Variants in ZZEF1 observed in about 807,000 individuals in gnomAD.
The protein encoded by ZZEF1 is zinc finger ZZ-type and EF-hand domain containing 1, also known as zinc finger ZZ-type and EF-hand domain-containing protein 1.
ZZEF1 carries 157 observed loss-of-function variants against 342.8 expected under a neutral mutation model. The observed-to-expected ratio is 0.46, with a 90% CI of 0.40 to 0.52. The LOEUF is 0.52. Ranked by LOEUF, ZZEF1 falls within the 20% of genes least tolerant of loss-of-function variation. The pLI is 0.00. For missense variants in ZZEF1, 3,480 were observed against 3,725.6 expected (o/e 0.93, Z 1.72); for synonymous variants, 1,505 against 1,429.1 (o/e 1.05, Z -1.20).
intron 32 of ZZEF1, among the ~76,000 whole-genome samples, chr17:4,057,507 G>GA (rs2057189997): frequency 1.3e-5 from 2 of 152,018 alleles, no homozygotes; most frequent in South Asian, 2.1e-4. Context: ...AAATCGGAGG[G>GA]AAAAAACCCT....
At chr17:4,125,568 T>C (rs1297913098) in intron 1 of ZZEF1, among the ~76,000 whole-genome samples, 2 of 152,322 alleles carry the variant, frequency 1.3e-5, no homozygotes, top group East Asian at 3.9e-4. Flanking sequence ...GGCAAGATTA[T>C]CCAAAAAGTT....
chr17:4,010,754 AAAGC>A (rs890459923), intron 52 of ZZEF1, among the ~76,000 whole-genome samples: 17 of 151,672 alleles, frequency 1.1e-4, no homozygotes, highest in African/African-American at 4.1e-4. Context: ...AAAAAGAAAA[AAAGC>A]AAGATGTAAA....
At chr17:4,137,895 A>G (rs1316514142) in intron 1 of ZZEF1, among the ~76,000 whole-genome samples, 5 of 152,248 alleles carry the variant, frequency 3.3e-5, no homozygotes, top group Non-Finnish European at 7.3e-5. Flanking sequence ...TGACCAGGTG[A>G]CAGTGCCAAG....
intron 16 of ZZEF1, among the ~76,000 whole-genome samples, chr17:4,083,625 A>ATGC (rs2057765070): frequency 1.0e-5 from 1 of 96,990 alleles, no homozygotes; most frequent in African/African-American, 4.2e-5. Context: ...ACCACATTTT[A>ATGC]TGCTTTTGTT....
intron 1 of ZZEF1, among the ~76,000 whole-genome samples, chr17:4,130,101 G>A (rs1186903073): frequency 6.6e-6 from 1 of 152,116 alleles, no homozygotes; most frequent in South Asian, 2.1e-4. Flanking sequence ...ACCCCCATGA[G>A]ATGAGTTTAC....
chr17:4,040,897 C>T (rs759463387), intron 39 of ZZEF1, among the ~76,000 whole-genome samples: 4 of 152,164 alleles, frequency 2.6e-5, no homozygotes, highest in Non-Finnish European at 5.9e-5. Flanking sequence ...TGCAGAAGGG[C>T]CCTACCCCAA....
chr17:4,123,199 CG>C (rs893933506), intron 2 of ZZEF1, among the ~76,000 whole-genome samples: 3 of 147,960 alleles, frequency 2.0e-5, no homozygotes, highest in Non-Finnish European at 3.0e-5. Flanking sequence ...GGATTACAGG[CG>C]TAAGCCACCG....
intron 23 of ZZEF1, among the ~76,000 whole-genome samples, chr17:4,074,755 A>T (rs2057576442): frequency 6.6e-6 from 1 of 152,198 alleles, no homozygotes; most frequent in Admixed American, 6.5e-5. Context: ...CTTCCATCAC[A>T]TGGTCTGGGC....
At chr17:4,010,168 T>A (rs1178382034) in intron 52 of ZZEF1, among the ~76,000 whole-genome samples, 1 of 148,228 alleles carries the variant, frequency 6.7e-6, no homozygotes, top group Non-Finnish European at 1.5e-5. Flanking sequence ...TACAAAAAAT[T>A]AAAAACAAAC....
chr17:4,136,450 G>A (rs1304895132), intron 1 of ZZEF1, among the ~76,000 whole-genome samples: 2 of 152,138 alleles, frequency 1.3e-5, no homozygotes, highest in Admixed American at 1.3e-4. Flanking sequence ...GCACTGAGCA[G>A]GTGAGCTGGT....
rs2055762423 is a variant in ZZEF1, at chr17:4,004,492, A to G, written c.*2398T>C. 6.6e-6 allele frequency: 1 copy of G among 152,422 alleles called. No homozygotes were observed. The highest frequency in any genetic ancestry group is 2.1e-4 in the South Asian group (1 of 4,834). The allele number at this position is 152,422 out of a possible 1,614,324, so 9.4% of individuals were successfully genotyped here. ...ACAATATATTTCTTTTCGTTTGCAT[A>G]TTTTACCCACAGCTTAACATCCTTT... On this transcript the variant is annotated 3_prime_UTR_variant, in exon 55 of 55. Coordinates refer to ENST00000381638, the MANE Select transcript of ZZEF1 (RefSeq NM_015113.4).
At chr17:4,060,544 T>A (rs1597830122) in intron 30 of ZZEF1, among the ~76,000 whole-genome samples, 1 of 95,024 alleles carries the variant, frequency 1.1e-5, no homozygotes, top group South Asian at 3.1e-4. Context: ...GCGAAACTCT[T>A]GTCTCAAGAC....
intron 49 of ZZEF1, among the ~76,000 whole-genome samples, chr17:4,015,338 A>G (rs941728261): frequency 3.3e-5 from 5 of 152,252 alleles, no homozygotes; most frequent in Non-Finnish European, 7.3e-5. Flanking sequence ...CTGAAAAACA[A>G]AATCTCAGCT....
chr17:4,050,859 G>A lies in ZZEF1; in HGVS notation c.5785C>T (p.Arg1929Cys), dbSNP rs558901074. 5.0e-6 allele frequency: 8 copies of A among 1,614,148 alleles called. No individual in the cohort carries two copies. The African/African-American group carries it at 6.7e-5, about 13-fold the overall frequency. The change falls in exon 36 of 55, where the codon CGC becomes TGC. Residue 1929 changes from arginine (R) to cysteine (C), a missense_variant. Physicochemically the swap from Arg to Cys is radical, Grantham distance 180. Coordinates refer to ENST00000381638, the MANE Select transcript of ZZEF1 (RefSeq NM_015113.4). ...CTCCGCAGGGTGGTGGCACTGCTGC[G>A]CGTCTGGGGGTCCAGCTTCTCCCCA... ...VDGEKLDPQT[R>C]SSATTLRSQC...
At chr17:4,068,198 GTGGTGAGA>G (rs2057439812) in intron 26 of ZZEF1, among the ~76,000 whole-genome samples, 2 of 152,166 alleles carry the variant, frequency 1.3e-5, no homozygotes, top group South Asian at 4.1e-4. Context: ...AAGGTTCTAA[GTGGTGAGA>G]CTGTAGCTGA....
rs375097426 is a variant in ZZEF1 at position 4,065,397 on chromosome 17, C to CAA, written c.4250-570_4250-569dup. 4.0e-4 allele frequency among the ~76,000 whole-genome samples: 50 copies of CAA among 123,512 alleles called. 2 individuals carry two copies. Among genetic ancestry groups the CAA allele is most frequent in the Non-Finnish European group, 2.6e-4 (15 of 57,122 alleles). The allele number at this position is 123,512 out of a possible 152,430, so 81.0% of individuals were successfully genotyped here. On this transcript the variant is annotated intron_variant, in intron 28 of 54. Transcript: ENST00000381638. ...GGGCGAAAGAGTGAGACACTGTCTC[C>CAA]AAAAAAAAAAACAAACAAAAAAACC...
At chr17:4,099,677 C>G (rs1004764227) in intron 9 of ZZEF1, among the ~76,000 whole-genome samples, 1 of 151,968 alleles carries the variant, frequency 6.6e-6, no homozygotes, top group African/African-American at 2.4e-5. Context: ...TCCCAAGTAG[C>G]TGGGACTACA....
At chr17:4,088,234 C>G (rs1004023118) in intron 13 of ZZEF1, among the ~76,000 whole-genome samples, 2 of 152,098 alleles carry the variant, frequency 1.3e-5, no homozygotes, top group African/African-American at 4.8e-5. Context: ...GAGTCAGTAT[C>G]AAAAAAGTTA....
chr17:4,082,636 C>T, intron 16 of ZZEF1, 132 bp from the exon 17 acceptor site: 1 of 780,140 alleles, frequency 1.3e-6, no homozygotes, highest in Non-Finnish European at 2.1e-6. Context: ...GACTACCTCA[C>T]AGCACCCCAC....
Sources: gnomAD v4.1 joint callset for allele counts (sites outside exome capture counted in the v4.1 genomes callset) on GRCh38, gnomAD v4.1.1 for gene constraint, MANE v1.5 for transcripts, NCBI Gene and HGNC (gene_info 2026-07-23, HGNC 2026-07-21) for gene names.